Variants in MPDZ observed in about 807,000 individuals in gnomAD.
MPDZ encodes multiple PDZ domain crumbs cell polarity complex component, also known as multiple PDZ domain protein.
In MPDZ, 234 loss-of-function variants were observed where a neutral mutation model predicts 239.1. That is an observed-to-expected ratio of 0.98 (90% CI 0.88 to 1.09). The LOEUF (loss-of-function observed/expected upper bound fraction) is 1.09, where lower values mean the gene tolerates loss of function less well. Among genes scored for constraint, MPDZ ranks in the 50% least tolerant of loss-of-function variants. The pLI is 0.00. For missense variants in MPDZ, 3,175 were observed against 2,510.0 expected, an observed-to-expected ratio of 1.26 and a Z score of -5.66; for synonymous variants, 1,048 against 881.3, an observed-to-expected ratio of 1.19 and a Z score of -3.35.
At chr9:13,149,935 G>A (rs1172440766) in intron 25 of MPDZ, among the ~76,000 whole-genome samples, 1 of 151,854 alleles carries the variant, frequency 6.6e-6, no homozygotes, top group East Asian at 1.9e-4. Context: ...AAAGGTAACT[G>A]AGGTGTCAGC....
chr9:13,116,785 A>T (rs1291032897), intron 39 of MPDZ, among the ~76,000 whole-genome samples: 1 of 152,204 alleles, frequency 6.6e-6, no homozygotes, highest in South Asian at 2.1e-4. Context: ...AATTTTGGAA[A>T]TAAAATGAAA....
rs1941471435 is a variant in MPDZ at position 13,106,389 on chromosome 9, T to C, written c.*576A>G. ...CCAATTTTAGCAGGAAAAATATATA[T>C]GCATATTAGAGGTGGGGAGATGCAA... On this transcript the variant is annotated 3_prime_UTR_variant, in exon 47 of 47. Transcript: ENST00000319217. 2 of 152,188 alleles carry C rather than the reference T, an allele frequency of 1.3e-5. No homozygotes were observed. Among genetic ancestry groups the C allele is most frequent in the Non-Finnish European group, 2.9e-5 (2 of 68,036 alleles). 9.4% of individuals were successfully genotyped at this position (152,188 alleles called of 1,614,324 possible).
intron 24 of MPDZ, among the ~76,000 whole-genome samples, chr9:13,153,824 AAAAG>A (rs1270450264): frequency 6.6e-6 from 1 of 152,144 alleles, no homozygotes; most frequent in East Asian, 1.9e-4. Context: ...AATAAAATAA[AAAAG>A]AAAGAAGGAA....
chr9:13,112,428 C>T (rs1942654013), intron 42 of MPDZ, among the ~76,000 whole-genome samples: 1 of 152,174 alleles, frequency 6.6e-6, no homozygotes, highest in African/African-American at 2.4e-5. Flanking sequence ...GAAAAGACCA[C>T]ACTTTTGGAA....
chr9:13,190,092 G>C (rs1311270924), intron 16 of MPDZ, 22 bp downstream of exon 16: 1 of 1,597,140 alleles, frequency 6.3e-7, no homozygotes, highest in Non-Finnish European at 8.5e-7. Context: ...TTTAAAAATT[G>C]TTAAAAGTAG....
chr9:13,124,555 A>G (rs916844779), intron 35 of MPDZ, among the ~76,000 whole-genome samples: 1 of 152,190 alleles, frequency 6.6e-6, no homozygotes, highest in Non-Finnish European at 1.5e-5. Flanking sequence ...TCTTTCTCAA[A>G]AAGTAACTCA....
intron 3 of MPDZ, among the ~76,000 whole-genome samples, chr9:13,245,142 T>C (rs1213592388): frequency 7.2e-5 from 11 of 151,942 alleles, no homozygotes; most frequent in Admixed American, 7.2e-4. Flanking sequence ...ATTATAATTA[T>C]TAATAAATCA....
chr9:13,112,182 G>T, intron 42 of MPDZ, 36 bp from the exon 43 acceptor site: 1 of 1,566,572 alleles, frequency 6.4e-7, no homozygotes, highest in South Asian at 1.2e-5. Flanking sequence ...TGGTCAAAGT[G>T]ATATTTTTCA....
chr9:13,248,484 C>G (rs568077420), intron 2 of MPDZ, among the ~76,000 whole-genome samples: 1 of 152,106 alleles, frequency 6.6e-6, no homozygotes, highest in South Asian at 2.1e-4. Context: ...AGCATACTTA[C>G]GCCAGACAGT....
In MPDZ at chr9:13,125,318, C is replaced by A. The variant is rs781746056; in HGVS notation, c.4705G>T (p.Ala1569Ser). The A allele has an allele frequency of 1.2e-6, 2 of 1,613,658 alleles. No individual in the cohort carries two copies. Among genetic ancestry groups the A allele is most frequent in the African/African-American group, 1.3e-5 (1 of 74,900 alleles). ...GCTGCACCAGCTGCTGAAGGAACAG[C>A]CTGGGAATCTGGATTCTCAGCATGG... Reference protein sequence around the residue: ...TIHAENPDSQAVPSAAGAASG... With the variant: ...TIHAENPDSQSVPSAAGAASG... The change falls in exon 35 of 47, where the codon GCT becomes TCT. Residue 1569 changes from alanine (A) to serine (S), a missense_variant. Coordinates refer to ENST00000319217, the MANE Select transcript of MPDZ (RefSeq NM_001378778.1).
intron 26 of MPDZ, among the ~76,000 whole-genome samples, chr9:13,146,885 G>T (rs1390738172): frequency 6.6e-6 from 1 of 152,006 alleles, no homozygotes; most frequent in Non-Finnish European, 1.5e-5. Flanking sequence ...TTCATTAAAT[G>T]TAACTTACAT....
intron 24 of MPDZ, among the ~76,000 whole-genome samples, chr9:13,150,976 C>CA (rs532890093): frequency 7.7e-4 from 117 of 151,882 alleles, no homozygotes; most frequent in Admixed American, 2.4e-3. Flanking sequence ...TCAACAACAA[C>CA]AAAAAAACAA....
Position 13,205,994 on chromosome 9 carries a change from GCTTCATTCCT to G in MPDZ, c.1386_1395del (p.Arg462SerfsTer25). ...TCCCTTGACATGAGCTCGGCTTCCT[GCTTCATTCCT>G]CTCCTCATTAGTGTCAGGAGCACAG... is the stretch of plus-strand genomic sequence containing the variant. On this transcript the variant is annotated frameshift_variant, in exon 11 of 47. Coordinates refer to ENST00000319217, the MANE Select transcript of MPDZ (RefSeq NM_001378778.1). LOFTEE classifies it high-confidence loss of function. The G allele has an allele frequency of 6.2e-7, 1 of 1,612,028 alleles. No individual in the cohort carries two copies. The highest frequency in any genetic ancestry group is 8.5e-7 in the Non-Finnish European group (1 of 1,179,262).
intron 7 of MPDZ, 124 bp downstream of exon 7, chr9:13,221,248 G>A: frequency 9.3e-7 from 1 of 1,078,584 alleles, no homozygotes; most frequent in Non-Finnish European, 1.3e-6. Context: ...TAAAACGAAA[G>A]ATTCTAACTC....
At chr9:13,184,513 T>C (rs772563303) in intron 18 of MPDZ, among the ~76,000 whole-genome samples, 1 of 151,874 alleles carries the variant, frequency 6.6e-6, no homozygotes, top group Non-Finnish European at 1.5e-5. Flanking sequence ...CTATTAAAAA[T>C]ACCTGTGGGC....
In MPDZ at chr9:13,196,163, C is replaced by T; in HGVS notation, c.1614G>A (p.Leu538=). 1 of 1,603,406 alleles carries T rather than the reference C, an allele frequency of 6.2e-7. No homozygotes were observed. The highest frequency in any genetic ancestry group is 8.5e-7 in the Non-Finnish European group (1 of 1,174,048). Residue 538 remains leucine (L), a synonymous_variant, in exon 13 of 47, where the codon CTG becomes CTA. Transcript: ENST00000319217. The stretch of plus-strand genomic sequence containing the variant: ...TTCCCATAATCCTTTGCCATTTTGT[C>T]AGCAGAGCAGCTTCTTGTTTTTGTG... ...EDAQKQEAAL[L]TKWQRIMGIN... is the part of the protein sequence containing the mutation.
At chr9:13,113,410 G>C (rs1055663286) in intron 41 of MPDZ, among the ~76,000 whole-genome samples, 16 of 152,126 alleles carry the variant, frequency 1.1e-4, no homozygotes, top group African/African-American at 3.6e-4. Context: ...ACAAATTTAA[G>C]TGCCTAAATT....
At position 13,250,376 on chromosome 9, in the gene MPDZ, T is replaced by A; in HGVS notation, c.-57-4A>T. On this transcript the variant is annotated splice_region_variant and splice_polypyrimidine_tract_variant and intron_variant, in intron 1 of 46. Transcript: ENST00000319217. ...TAACAGCAATTAAAATGGAACTCTGTGCAAAAAAGAAATAGAATGGTTATG... is the reference window on the plus strand; with the variant it reads ...TAACAGCAATTAAAATGGAACTCTGAGCAAAAAAGAAATAGAATGGTTATG... 1 of 1,437,794 alleles carries A rather than the reference T, an allele frequency of 7.0e-7. No homozygotes were observed. Among genetic ancestry groups the A allele is most frequent in the Non-Finnish European group, 9.6e-7 (1 of 1,044,936 alleles). The allele number at this position is 1,437,794 out of a possible 1,614,324, so 89.1% of individuals were successfully genotyped here. A position where few individuals can be genotyped will look rare whatever the true frequency, so the allele number is the denominator to read the frequency against.
chr9:13,196,109 C>T lies in MPDZ; in HGVS notation c.1656+12G>A. On this transcript the variant is annotated intron_variant, in intron 13 of 46. Transcript: ENST00000319217. ...TACAAGTTAGAAAATTACAGAAGGTCAGCTAACCTACCACTATTTCATAGT... is the reference window on the plus strand; with the variant it reads ...TACAAGTTAGAAAATTACAGAAGGTTAGCTAACCTACCACTATTTCATAGT... 1 of 1,547,712 alleles carries T rather than the reference C, an allele frequency of 6.5e-7. No homozygotes were observed. Among genetic ancestry groups the T allele is most frequent in the Non-Finnish European group, 8.8e-7 (1 of 1,132,518 alleles).
Sources: gnomAD v4.1 joint callset for allele counts (sites outside exome capture counted in the v4.1 genomes callset) on GRCh38, gnomAD v4.1.1 for gene constraint, MANE v1.5 for transcripts, NCBI Gene and HGNC (gene_info 2026-07-23, HGNC 2026-07-21) for gene names.